The following RHPN2 variants were observed in gnomAD, a reference collection of about 807,000 sequenced individuals.
The protein encoded by RHPN2 is rhophilin Rho GTPase binding protein 2, also known as rhophilin-2.
In RHPN2, 40 loss-of-function variants were observed where a neutral mutation model predicts 79.0. The observed-to-expected ratio is 0.51, with a 90% confidence interval of 0.39 to 0.66. RHPN2 has a LOEUF of 0.66. Among genes scored for constraint, RHPN2 ranks in the 30% least tolerant of loss-of-function variants. RHPN2 has a pLI of 0.00. For synonymous variants in RHPN2, 285 were observed against 363.5 expected (o/e 0.78, Z 2.46); for missense variants, 686 against 883.5 (o/e 0.78, Z 2.83).
At chr19:32,995,112 G>A (rs1156614108) in intron 11 of RHPN2, among the ~76,000 whole-genome samples, 6 of 152,026 alleles carry the variant, frequency 3.9e-5, no homozygotes, top group African/African-American at 7.2e-5. Context: ...TCGCTCTGTC[G>A]CCCAAGCTGG....
At chr19:33,045,069 T>TTTGG (rs1972131379) in intron 1 of RHPN2, among the ~76,000 whole-genome samples, 1 of 150,232 alleles carries the variant, frequency 6.7e-6, no homozygotes, top group African/African-American at 2.4e-5. Context: ...TTTTTTTTTT[T>TTTGG]GGAGATGGAG....
At chr19:33,030,367 C>A (rs1022799912) in intron 2 of RHPN2, among the ~76,000 whole-genome samples, 1 of 152,068 alleles carries the variant, frequency 6.6e-6, no homozygotes, top group East Asian at 1.9e-4. Context: ...CCGAGGCACG[C>A]GGATCACTTG....
intron 1 of RHPN2, among the ~76,000 whole-genome samples, chr19:33,053,358 T>C (rs1042084757): frequency 6.6e-6 from 1 of 151,930 alleles, no homozygotes; most frequent in Non-Finnish European, 1.5e-5. Flanking sequence ...ATCAACTGTA[T>C]TTCCAGACCA....
At chr19:33,044,183 G>T in intron 2 of RHPN2, 66 bp downstream of exon 2, 1 of 1,238,458 alleles carries the variant, frequency 8.1e-7, no homozygotes, top group Non-Finnish European at 1.2e-6. Flanking sequence ...CCAAGAGCCT[G>T]GCCTGGGAGT....
At chr19:33,030,600 AG>A (rs1191083137) in intron 2 of RHPN2, among the ~76,000 whole-genome samples, 2 of 152,046 alleles carry the variant, frequency 1.3e-5, no homozygotes, top group African/African-American at 4.8e-5. Flanking sequence ...CACAAAAAAA[AG>A]AAAAAAGAAA....
At chr19:33,009,425 A>G (rs1199927494) in intron 6 of RHPN2, among the ~76,000 whole-genome samples, 1 of 152,152 alleles carries the variant, frequency 6.6e-6, no homozygotes, top group African/African-American at 2.4e-5. Context: ...TCTGAAATCT[A>G]AAAACTCAGG....
intron 6 of RHPN2, 67 bp from the exon 7 acceptor site, chr19:33,008,247 A>G: frequency 3.4e-6 from 5 of 1,461,532 alleles, no homozygotes; most frequent in Non-Finnish European, 4.7e-6. Context: ...AGTGGAAAAA[A>G]TTCTTTTTTT....
intron 4 of RHPN2, 58 bp from the exon 5 acceptor site, chr19:33,012,782 T>C: frequency 2.1e-6 from 2 of 931,338 alleles, no homozygotes; most frequent in South Asian, 2.6e-5. Flanking sequence ...TATGTGTGCA[T>C]AATAGTAATA....
At chr19:33,061,815 T>G (rs57619235) in intron 1 of RHPN2, among the ~76,000 whole-genome samples, 18,957 of 151,846 alleles carry the variant, frequency 0.12, 1,456 homozygotes, top group Admixed American at 0.28. Flanking sequence ...CATTTGGTTT[T>G]GTTTTGTTTT....
At chr19:32,983,230 T>C (rs200815410) in intron 14 of RHPN2, among the ~76,000 whole-genome samples, 13 of 152,098 alleles carry the variant, frequency 8.5e-5, no homozygotes, top group African/African-American at 1.9e-4. Context: ...AAGCCTTTCT[T>C]GGCGGGGCGT....
intron 9 of RHPN2, among the ~76,000 whole-genome samples, chr19:33,000,323 C>T (rs370938481): frequency 3.4e-4 from 51 of 151,184 alleles, no homozygotes; most frequent in East Asian, 2.5e-3. Context: ...CGGGTTCAAG[C>T]GATTCTCCTG....
chr19:33,061,894 C>CTGGCTTCAAGAGATCCGCCTGCCT (rs1972283428), intron 1 of RHPN2, among the ~76,000 whole-genome samples: 1 of 152,010 alleles, frequency 6.6e-6, no homozygotes, highest in Non-Finnish European at 1.5e-5. Flanking sequence ...TCTGGAACTC[C>CTGGCTTCAAGAGATCCGCCTGCCT]TGGCTTCAAG....
In RHPN2 at chr19:32,986,652, G is replaced by C. The variant is rs1971614954; in HGVS notation, c.1800+3862C>G. Reference sequence around the variant, plus strand: ...CCACTAAAAATACAAAAATTAGCCAGGCATAGTGGTGCCCACCTATAATCC... The same window carrying C: ...CCACTAAAAATACAAAAATTAGCCACGCATAGTGGTGCCCACCTATAATCC... On this transcript the variant is annotated intron_variant, in intron 14 of 14. Coordinates refer to ENST00000254260, the MANE Select transcript of RHPN2 (RefSeq NM_033103.5). Among the ~76,000 whole-genome samples the C allele has an allele frequency of 2.0e-5, 3 of 151,898 alleles. No homozygotes were observed. The South Asian group carries it at 6.2e-4, about 32-fold the overall frequency.
At chr19:33,046,820 A>G (rs1682703648) in intron 1 of RHPN2, among the ~76,000 whole-genome samples, 1 of 151,574 alleles carries the variant, frequency 6.6e-6, no homozygotes, top group Admixed American at 6.6e-5. Flanking sequence ...GGCCAACTGT[A>G]TATCTTCTTC....
chr19:33,001,576 C>T (rs916466679), intron 9 of RHPN2, among the ~76,000 whole-genome samples: 3 of 151,920 alleles, frequency 2.0e-5, no homozygotes, highest in Admixed American at 2.0e-4. Context: ...TTCCGATCAT[C>T]ACAGATTTTT....
chr19:32,995,076 CATT>C (rs1971689991), intron 11 of RHPN2, among the ~76,000 whole-genome samples: 1 of 152,060 alleles, frequency 6.6e-6, no homozygotes, highest in Non-Finnish European at 1.5e-5. Context: ...CTGTTTTCAT[CATT>C]ATTACTATTT....
chr19:32,990,667 C>T lies in RHPN2; in HGVS notation c.1647G>A (p.Val549=), dbSNP rs755014811. 1 of 1,613,816 alleles carries T rather than the reference C, an allele frequency of 6.2e-7. No individual in the cohort carries two copies. Among genetic ancestry groups the T allele is most frequent in the African/African-American group, 1.3e-5 (1 of 74,910 alleles). The change falls in exon 14 of 15, where the codon GTG becomes GTA. Residue 549 remains valine, a splice_region_variant and synonymous_variant. Transcript: ENST00000254260. ...TATAATCTCCTTCCCGGGCTCCTGCCACCTGAAAAAGTATTGTTGAAATTA... is the reference window on the plus strand; with the variant it reads ...TATAATCTCCTTCCCGGGCTCCTGCTACCTGAAAAAGTATTGTTGAAATTA... ...HFLDPYCSAS[V]AGAREGDYIV...
rs1412617933 is a variant in RHPN2 at position 33,059,032 on chromosome 19, T to G, written c.69+5752A>C. On this transcript the variant is annotated intron_variant, in intron 1 of 14. Coordinates refer to ENST00000254260, the MANE Select transcript of RHPN2 (RefSeq NM_033103.5). Reference sequence around the variant, plus strand: ...ATCGCTTGAACCCAGGAGGTGAAGGTTGCGGGGAGCTGAGATTGTGCCACT... The same window carrying G: ...ATCGCTTGAACCCAGGAGGTGAAGGGTGCGGGGAGCTGAGATTGTGCCACT... Among the ~76,000 whole-genome samples the G allele has an allele frequency of 2.0e-5, 3 of 151,846 alleles. No individual in the cohort carries two copies. In the East Asian group the frequency reaches 5.8e-4, roughly 30 times the overall value.
chr19:33,043,692 A>G (rs1972119034), intron 2 of RHPN2, among the ~76,000 whole-genome samples: 1 of 152,184 alleles, frequency 6.6e-6, no homozygotes, highest in Non-Finnish European at 1.5e-5. Flanking sequence ...GAGGGTTTAT[A>G]GAGGTCTAGA....
Sources: allele counts gnomAD v4.1 joint callset (sites outside exome capture counted in the v4.1 genomes callset), GRCh38; gene constraint gnomAD v4.1.1; transcripts MANE v1.5; gene names NCBI Gene and HGNC (gene_info 2026-07-23, HGNC 2026-07-21).